Variants in CEP70 observed in about 807,000 individuals in gnomAD.
CEP70 encodes the protein centrosomal protein 70, also known as centrosomal protein of 70 kDa.
A neutral mutation model predicts 90.9 loss-of-function variants in CEP70; 70 were observed. That is an observed-to-expected ratio of 0.77 (90% CI 0.64 to 0.94). CEP70 has a LOEUF of 0.94. Ranked by LOEUF, CEP70 falls within the 40% of genes least tolerant of loss-of-function variation. CEP70 has a pLI of 0.00. For synonymous variants in CEP70, 220 were observed against 228.3 expected (o/e 0.96, Z 0.33); for missense variants, 648 against 669.0 (o/e 0.97, Z 0.35).
At chr3:138,559,025 G>C (rs1014789019) in intron 6 of CEP70, among the ~76,000 whole-genome samples, 1 of 152,126 alleles carries the variant, frequency 6.6e-6, no homozygotes, top group Non-Finnish European at 1.5e-5. Flanking sequence ...CCTCTATCTT[G>C]TTCCCAAAAT....
In CEP70 at chr3:138,494,891, TAAG is replaced by T. The variant is rs371190979; in HGVS notation, c.*121_*123del. 477 of 617,708 alleles carry T rather than the reference TAAG, an allele frequency of 7.7e-4. No homozygotes were observed. In the African/African-American group the frequency reaches 8.0e-3, roughly 10 times the overall value. 38.3% of individuals were successfully genotyped at this position (617,708 alleles called of 1,614,324 possible). A position where few individuals can be genotyped will look rare whatever the true frequency, so the allele number is the denominator to read the frequency against. Reference sequence around the variant, plus strand: ...ATACAGATGAAGAATGACCTAATACTAAGAAGGGGATGAATTCTGAGAGCAAAT... The same window carrying T: ...ATACAGATGAAGAATGACCTAATACTAAGGGGATGAATTCTGAGAGCAAAT... On this transcript the variant is annotated 3_prime_UTR_variant, in exon 18 of 18. Coordinates refer to ENST00000264982, the MANE Select transcript of CEP70 (RefSeq NM_024491.4).
intron 11 of CEP70, among the ~76,000 whole-genome samples, chr3:138,517,643 T>C (rs1258795283): frequency 1.3e-4 from 20 of 152,190 alleles, no homozygotes; most frequent in Admixed American, 1.3e-3. Context: ...CACTCCAGCA[T>C]GGGCGACAGA....
At chr3:138,567,529 T>C (rs534013284) in intron 6 of CEP70, among the ~76,000 whole-genome samples, 24 of 152,308 alleles carry the variant, frequency 1.6e-4, no homozygotes, top group Admixed American at 7.2e-4. Context: ...TAAATCTGTA[T>C]AGAAATTTAT....
chr3:138,516,745 G>A (rs1456266196), intron 11 of CEP70, among the ~76,000 whole-genome samples: 1 of 152,190 alleles, frequency 6.6e-6, no homozygotes, highest in Non-Finnish European at 1.5e-5. Flanking sequence ...CTGTCACTGT[G>A]TTATGTGTTG....
chr3:138,592,204 C>T (rs549795004), intron 1 of CEP70, among the ~76,000 whole-genome samples: 233 of 152,286 alleles, frequency 1.5e-3, no homozygotes, highest in African/African-American at 5.3e-3. Context: ...CCAAATCTAT[C>T]ATCATCTATC....
At chr3:138,575,694 C>T (rs895215488) in intron 2 of CEP70, among the ~76,000 whole-genome samples, 1 of 152,104 alleles carries the variant, frequency 6.6e-6, no homozygotes, top group African/African-American at 2.4e-5. Flanking sequence ...TTAAGGGCAG[C>T]CAGAGAGAAA....
At chr3:138,580,145 T>C (rs1056033601) in intron 2 of CEP70, among the ~76,000 whole-genome samples, 2 of 151,986 alleles carry the variant, frequency 1.3e-5, no homozygotes, top group African/African-American at 4.8e-5. Flanking sequence ...GAGGGAAAAA[T>C]GGGAAGAACC....
At chr3:138,584,543 A>G (rs550049148) in intron 2 of CEP70, among the ~76,000 whole-genome samples, 19 of 152,148 alleles carry the variant, frequency 1.2e-4, no homozygotes, top group African/African-American at 4.6e-4. Flanking sequence ...AAAATCTTCA[A>G]CAAAATACTA....
chr3:138,548,403 G>A (rs1417391155), intron 6 of CEP70, among the ~76,000 whole-genome samples: 2 of 152,120 alleles, frequency 1.3e-5, no homozygotes, highest in African/African-American at 4.8e-5. Context: ...CTCCAAAGAG[G>A]ATTTTGATTT....
At chr3:138,558,737 A>C (rs989129777) in intron 6 of CEP70, among the ~76,000 whole-genome samples, 1 of 152,222 alleles carries the variant, frequency 6.6e-6, no homozygotes, top group African/African-American at 2.4e-5. Flanking sequence ...GGGTAAAATA[A>C]CACCACAGTA....
intron 6 of CEP70, among the ~76,000 whole-genome samples, chr3:138,547,448 T>G (rs568102916): frequency 1.3e-5 from 2 of 152,236 alleles, no homozygotes; most frequent in South Asian, 2.1e-4. Context: ...CAGTTGCAGT[T>G]TGAGGTGTGA....
chr3:138,502,565 A>T (rs1157171490), intron 13 of CEP70, among the ~76,000 whole-genome samples: 1 of 152,146 alleles, frequency 6.6e-6, no homozygotes, highest in African/African-American at 2.4e-5. Flanking sequence ...AGCAAGTAAC[A>T]GCATAATGAT....
At chr3:138,535,760 G>GT (rs1560357002) in intron 7 of CEP70, among the ~76,000 whole-genome samples, 2 of 151,944 alleles carry the variant, frequency 1.3e-5, no homozygotes, top group African/African-American at 2.4e-5. Flanking sequence ...CATCTTAACT[G>GT]TTTTTTGTTT....
At chr3:138,557,538 T>C (rs1312356527) in intron 6 of CEP70, among the ~76,000 whole-genome samples, 2 of 152,234 alleles carry the variant, frequency 1.3e-5, no homozygotes, top group Non-Finnish European at 2.9e-5. Context: ...GGGGAACTAA[T>C]AAATGTCCAC....
intron 6 of CEP70, among the ~76,000 whole-genome samples, chr3:138,556,591 C>A (rs557305922): frequency 7.5e-5 from 11 of 146,894 alleles, no homozygotes; most frequent in African/African-American, 2.5e-4. Flanking sequence ...CACGTAAGTT[C>A]TTTTCTATTT....
chr3:138,529,277 T>G lies in CEP70; in HGVS notation c.791A>C (p.Asn264Thr). ...TYKGLLMSLQ[N>T]QLKESKSKID... ...CTTAGATTTTGATTCCTTGAGTTGA[T>G]TCTGTAATGACTGCAACACATTTCA... Residue 264 changes from asparagine to threonine, a missense_variant, in exon 10 of 18, where the codon AAT becomes ACT. Physicochemically the swap from Asn to Thr is moderately conservative, Grantham distance 65. Transcript: ENST00000264982. 6.2e-7 allele frequency: 1 copy of G among 1,605,312 alleles called. No individual in the cohort carries two copies. Among genetic ancestry groups the G allele is most frequent in the South Asian group, 1.1e-5 (1 of 89,328 alleles).
At chr3:138,544,844 G>A (rs578232062) in intron 6 of CEP70, among the ~76,000 whole-genome samples, 3 of 152,096 alleles carry the variant, frequency 2.0e-5, no homozygotes, top group South Asian at 4.2e-4. Context: ...ACTTAAATGT[G>A]GAAACCAAAA....
chr3:138,589,104 G>A (rs192815843), intron 2 of CEP70, among the ~76,000 whole-genome samples: 8 of 152,234 alleles, frequency 5.3e-5, no homozygotes, highest in African/African-American at 1.7e-4. Context: ...GGAATTTGGG[G>A]GGATGATGGA....
intron 3 of CEP70, among the ~76,000 whole-genome samples, chr3:138,572,405 T>A (rs116682856): frequency 6.6e-6 from 1 of 151,998 alleles, no homozygotes; most frequent in Non-Finnish European, 1.5e-5. Flanking sequence ...TTGATGTTGT[T>A]TTAGGAGCCA....
Sources: gnomAD v4.1 joint callset for allele counts (sites outside exome capture counted in the v4.1 genomes callset) on GRCh38, gnomAD v4.1.1 for gene constraint, MANE v1.5 for transcripts, NCBI Gene and HGNC (gene_info 2026-07-23, HGNC 2026-07-21) for gene names.